ZNF676: variants seen among roughly 807,000 people sequenced by gnomAD.
ZNF676 encodes the protein zinc finger protein 676.
Under a neutral mutation model 6.0 loss-of-function variants are expected in ZNF676, and 4 were observed. That is an observed-to-expected ratio of 0.67 (90% CI 0.33 to 1.53). ZNF676 has a LOEUF of 1.53. Ranked by LOEUF, ZNF676 falls within the 40% of genes most tolerant of loss-of-function variation. The pLI is 0.06. For missense variants in ZNF676, 644 were observed against 679.7 expected (o/e 0.95, Z 0.58); for synonymous variants, 198 against 223.1 (o/e 0.89, Z 1.00).
chr19:22,227,058 A>G, the ZNF676 span, among the ~76,000 whole-genome samples: 1 of 152,212 alleles, frequency 6.6e-6, no homozygotes, highest in African/African-American at 2.4e-5. Context: ...TATGCCCTAT[A>G]AAGAATGCTG....
upstream of ZNF676, among the ~76,000 whole-genome samples, chr19:22,219,471 T>C (rs145880734): frequency 9.8e-5 from 15 of 152,290 alleles, no homozygotes; most frequent in Non-Finnish European, 1.8e-4. Flanking sequence ...AGTGACAATT[T>C]GACTTCCTCT....
chr19:22,250,679 G>A, the ZNF676 span, among the ~76,000 whole-genome samples: 5 of 151,894 alleles, frequency 3.3e-5, no homozygotes, highest in South Asian at 1.0e-3. Flanking sequence ...TCCCTGTGCA[G>A]GGTTCCTGAC....
chr19:22,229,289 G>A, the ZNF676 span, among the ~76,000 whole-genome samples: 581 of 152,270 alleles, frequency 3.8e-3, no homozygotes, highest in Middle Eastern at 0.017. Flanking sequence ...TGGGAAAACT[G>A]GCTAGCCATA....
intron 2 of ZNF676, among the ~76,000 whole-genome samples, chr19:22,189,406 C>T (rs2023875908): frequency 6.6e-6 from 1 of 151,988 alleles, no homozygotes; most frequent in African/African-American, 2.4e-5. Context: ...ATACCCCAAA[C>T]CATAAAAATC....
chr19:22,235,432 AC>A, the ZNF676 span, among the ~76,000 whole-genome samples: 1 of 152,078 alleles, frequency 6.6e-6, no homozygotes, highest in South Asian at 2.1e-4. Context: ...TGCCTCCAAA[AC>A]CCAAATAGGC....
the ZNF676 span, chr19:22,244,375 A>T: frequency 6.6e-6 from 1 of 152,354 alleles, no homozygotes; most frequent in Admixed American, 6.5e-5. Context: ...TCATACAAAG[A>T]GGAGGCCCAG....
At chr19:22,238,446 A>G in the ZNF676 span, among the ~76,000 whole-genome samples, 1 of 152,264 alleles carries the variant, frequency 6.6e-6, no homozygotes, top group East Asian at 1.9e-4. Flanking sequence ...CTCTCTAAAC[A>G]GTTCATCCCT....
chr19:22,253,284 C>T, the ZNF676 span, among the ~76,000 whole-genome samples: 6 of 150,982 alleles, frequency 4.0e-5, no homozygotes, highest in African/African-American at 9.7e-5. Flanking sequence ...GTGTCATAAT[C>T]GCACCTCTAT....
At chr19:22,189,102 A>G (rs1415295807) in intron 2 of ZNF676, among the ~76,000 whole-genome samples, 1 of 152,172 alleles carries the variant, frequency 6.6e-6, no homozygotes, top group African/African-American at 2.4e-5. Flanking sequence ...CTGACTTCAA[A>G]TTATACTACA....
intron 2 of ZNF676, among the ~76,000 whole-genome samples, chr19:22,188,350 T>C (rs1300144510): frequency 2.0e-5 from 3 of 152,154 alleles, no homozygotes; most frequent in Non-Finnish European, 4.4e-5. Context: ...TAGGTAGAGA[T>C]GGAACATATC....
upstream of ZNF676, among the ~76,000 whole-genome samples, chr19:22,201,199 G>T (rs939750566): frequency 1.3e-5 from 2 of 152,154 alleles, no homozygotes; most frequent in Non-Finnish European, 2.9e-5. Flanking sequence ...TATAGTTGTG[G>T]TGTGGCTCTG....
intron 1 of ZNF676, among the ~76,000 whole-genome samples, chr19:22,213,386 A>ACGG: frequency 6.6e-6 from 1 of 152,246 alleles, no homozygotes; most frequent in East Asian, 1.9e-4. Context: ...GATTGTCTGA[A>ACGG]CAGCAATGTG....
rs147348775 is a variant in ZNF676 at position 22,202,249 on chromosome 19, G to C, written c.4-5523C>G. Among the ~76,000 whole-genome samples, 314 of 143,470 alleles carry C rather than the reference G, an allele frequency of 2.2e-3. 2 individuals are homozygous for C. The highest frequency in any genetic ancestry group is 7.6e-3 in the African/African-American group (281 of 36,968). The allele number at this position is 143,470 out of a possible 152,430, so 94.1% of individuals were successfully genotyped here. On this transcript the variant is annotated intron_variant, in intron 1 of 3. Transcript: ENST00000650058. Reference sequence around the variant, plus strand: ...TGGGTTTCTGTGCCCCATGGTCACTGAATCAGTTTCAGGTCTGAAGACACA... The same window carrying C: ...TGGGTTTCTGTGCCCCATGGTCACTCAATCAGTTTCAGGTCTGAAGACACA...
At chr19:22,238,752 A>T in the ZNF676 span, among the ~76,000 whole-genome samples, 2 of 152,182 alleles carry the variant, frequency 1.3e-5, no homozygotes, top group Admixed American at 1.3e-4. Flanking sequence ...GAGCCACTCC[A>T]AGTTCCAAAA....
the ZNF676 span, among the ~76,000 whole-genome samples, chr19:22,235,818 G>A: frequency 6.6e-6 from 1 of 152,056 alleles, no homozygotes; most frequent in Non-Finnish European, 1.5e-5. Flanking sequence ...TGCTGGCCTT[G>A]CCAGCTGAAA....
chr19:22,218,951 T>C (rs796982868), upstream of ZNF676, among the ~76,000 whole-genome samples: 4 of 151,836 alleles, frequency 2.6e-5, no homozygotes, highest in African/African-American at 9.6e-5. Flanking sequence ...TGTTTTGTTT[T>C]GTTTTCCTAG....
the ZNF676 span, among the ~76,000 whole-genome samples, chr19:22,253,161 G>A: frequency 1.3e-5 from 2 of 151,948 alleles, no homozygotes; most frequent in Admixed American, 1.3e-4. Flanking sequence ...ATCCATGTAT[G>A]AACCAGTTTT....
At chr19:22,257,302 A>C in the ZNF676 span, among the ~76,000 whole-genome samples, 1 of 152,116 alleles carries the variant, frequency 6.6e-6, no homozygotes, top group African/African-American at 2.4e-5. Context: ...AACCCCTACA[A>C]GATAGATGCT....
At chr19:22,213,598 A>C (rs1000663911) in intron 1 of ZNF676, among the ~76,000 whole-genome samples, 4 of 144,796 alleles carry the variant, frequency 2.8e-5, no homozygotes, top group Non-Finnish European at 5.9e-5. Context: ...CTTATGAAAG[A>C]TAAGAGGCTA....
Sources: allele counts gnomAD v4.1 joint callset (sites outside exome capture counted in the v4.1 genomes callset), GRCh38; gene constraint gnomAD v4.1.1; transcripts MANE v1.5; gene names NCBI Gene and HGNC (gene_info 2026-07-23, HGNC 2026-07-21).